Variants in GRIN2B observed in about 807,000 individuals in gnomAD.
GRIN2B encodes glutamate ionotropic receptor NMDA type subunit 2B.
GRIN2B carries 5 observed loss-of-function variants against 114.5 expected under a neutral mutation model. The ratio of observed to expected loss-of-function variants is 0.04; its 90% CI spans 0.02 to 0.09. The LOEUF is 0.09. Among genes scored for constraint, GRIN2B ranks in the 10% least tolerant of loss-of-function variants. The pLI is 1.00. For synonymous variants in GRIN2B, 787 were observed against 745.1 expected, an observed-to-expected ratio of 1.06 and a Z score of -0.92; for missense variants, 1,108 against 1,943.5, an observed-to-expected ratio of 0.57 and a Z score of 8.08.
intron 10 of GRIN2B, among the ~76,000 whole-genome samples, chr12:13,607,153 T>A (rs11608449): frequency 0.11 from 12,610 of 116,424 alleles, 732 homozygotes; most frequent in African/African-American, 0.14. Flanking sequence ...TCAAAAAAAA[T>A]ATATATATAT....
intron 4 of GRIN2B, among the ~76,000 whole-genome samples, chr12:13,686,166 G>C (rs1950173169): frequency 6.6e-6 from 1 of 152,108 alleles, no homozygotes; most frequent in Admixed American, 6.5e-5. Context: ...ACTGTTTCTA[G>C]ACCAGGTTAG....
chr12:13,877,565 C>G (rs1417317337), intron 2 of GRIN2B, among the ~76,000 whole-genome samples: 1 of 152,188 alleles, frequency 6.6e-6, no homozygotes, highest in Non-Finnish European at 1.5e-5. Context: ...TCCTCTCTCT[C>G]CTTTCTCCCA....
chr12:13,713,926 A>G (rs1950435187), intron 4 of GRIN2B, among the ~76,000 whole-genome samples: 2 of 151,762 alleles, frequency 1.3e-5, no homozygotes, highest in Admixed American at 1.3e-4. Flanking sequence ...TCTTACTCCT[A>G]AGGACTTTGC....
chr12:13,973,103 G>A (rs183792059), intron 2 of GRIN2B, among the ~76,000 whole-genome samples: 18 of 152,236 alleles, frequency 1.2e-4, no homozygotes, highest in East Asian at 3.9e-4. Context: ...AAGAATGAGC[G>A]TCCTCACCTG....
At chr12:13,760,534 T>C (rs1375745147) in intron 3 of GRIN2B, among the ~76,000 whole-genome samples, 1 of 152,236 alleles carries the variant, frequency 6.6e-6, no homozygotes, top group African/African-American at 2.4e-5. Context: ...GGTTTCCCTC[T>C]ACTCTCTTTC....
chr12:13,940,445 C>A (rs1376088164), intron 2 of GRIN2B, among the ~76,000 whole-genome samples: 1 of 152,050 alleles, frequency 6.6e-6, no homozygotes, highest in East Asian at 1.9e-4. Flanking sequence ...GGCGCACACA[C>A]ACACACACGC....
chr12:13,669,799 T>C (rs1950006711), intron 5 of GRIN2B, among the ~76,000 whole-genome samples: 1 of 152,116 alleles, frequency 6.6e-6, no homozygotes, highest in South Asian at 2.1e-4. Context: ...TTTCAAGTAA[T>C]ATCAATAGAG....
At chr12:13,585,434 C>T (rs1398421152) in intron 10 of GRIN2B, among the ~76,000 whole-genome samples, 1 of 152,122 alleles carries the variant, frequency 6.6e-6, no homozygotes, top group Non-Finnish European at 1.5e-5. Flanking sequence ...CACTTACAGC[C>T]CAGCAGAGCT....
chr12:13,680,436 TTG>T (rs56755720), intron 4 of GRIN2B, among the ~76,000 whole-genome samples: 18,885 of 122,918 alleles, frequency 0.15, 1,233 homozygotes, highest in Middle Eastern at 0.19. Flanking sequence ...CCCATCAAGG[TTG>T]TGTGTGTGTG....
chr12:13,592,404 C>T (rs1162188052), intron 10 of GRIN2B, among the ~76,000 whole-genome samples: 2 of 152,158 alleles, frequency 1.3e-5, no homozygotes, highest in Admixed American at 6.5e-5. Context: ...TATAAAACTC[C>T]CCTCCATCCC....
chr12:13,648,489 G>A (rs1279848123), intron 5 of GRIN2B, among the ~76,000 whole-genome samples: 1 of 151,996 alleles, frequency 6.6e-6, no homozygotes. Context: ...TGGAAGACCA[G>A]GCAGCAGGTG....
In GRIN2B at chr12:13,579,702, G is replaced by A. The variant is rs1052876159; in HGVS notation, c.2011-7738C>T. 1.1e-4 allele frequency among the ~76,000 whole-genome samples: 16 copies of A among 152,360 alleles called. No homozygotes were observed. In the East Asian group the frequency reaches 3.1e-3, roughly 29 times the overall value. ...GCTGGTGTGCAGAACAGGTTGAAAG[G>A]AGTAAGATGGAGAGACAAGAGCTGA... On this transcript the variant is annotated intron_variant, in intron 10 of 13. Coordinates refer to ENST00000609686, the MANE Select transcript of GRIN2B (RefSeq NM_000834.5).
At chr12:13,588,387 G>T (rs560325347) in intron 10 of GRIN2B, among the ~76,000 whole-genome samples, 35 of 152,284 alleles carry the variant, frequency 2.3e-4, no homozygotes, top group African/African-American at 1.7e-4. Context: ...ACAGGGAAGG[G>T]TCTTGTTTTC....
At chr12:13,825,204 T>C (rs1418390932) in intron 3 of GRIN2B, among the ~76,000 whole-genome samples, 1 of 151,942 alleles carries the variant, frequency 6.6e-6, no homozygotes, top group Non-Finnish European at 1.5e-5. Context: ...AGAAGTTTAA[T>C]GTTTAATTTC....
rs1303925696 is a variant in GRIN2B, at chr12:13,549,994, T to A, written c.*12789A>T. 6.6e-6 allele frequency: 1 copy of A among 152,188 alleles called. No individual in the cohort carries two copies. The highest frequency in any genetic ancestry group is 1.5e-5 in the Non-Finnish European group (1 of 68,028). The allele number at this position is 152,188 out of a possible 1,614,324, so 9.4% of individuals were successfully genotyped here. A position where few individuals can be genotyped will look rare whatever the true frequency, so the allele number is the denominator to read the frequency against. On this transcript the variant is annotated 3_prime_UTR_variant, in exon 14 of 14. Coordinates refer to ENST00000609686, the MANE Select transcript of GRIN2B (RefSeq NM_000834.5). ...GGGCAGACAATTCAGGCAGCATTAC[T>A]CGCTGAGCTAGACTGAGAGTTAGAA... is the stretch of plus-strand genomic sequence containing the variant.
In GRIN2B at chr12:13,560,275, T is replaced by C. The variant is rs1452469270; in HGVS notation, c.*2508A>G. 1.3e-5 allele frequency: 2 copies of C among 152,142 alleles called. No homozygotes were observed. The highest frequency in any genetic ancestry group is 4.8e-5 in the African/African-American group (2 of 41,436). The allele number at this position is 152,142 out of a possible 1,614,324, so 9.4% of individuals were successfully genotyped here. On this transcript the variant is annotated 3_prime_UTR_variant, in exon 14 of 14. Transcript: ENST00000609686. ...AAGCCATACAAAACAATTCCCCCAA[T>C]GGGAAATGAAAACCCATAACAAAAC...
chr12:13,563,358 T>G lies in GRIN2B; in HGVS notation c.3880A>C (p.Asn1294His). The G allele has an allele frequency of 6.2e-7, 1 of 1,614,158 alleles. No homozygotes were observed. The highest frequency in any genetic ancestry group is 1.1e-5 in the South Asian group (1 of 91,082). The change falls in exon 14 of 14, where the codon AAC (asparagine) becomes CAC (histidine). Residue 1294 changes from asparagine (N) to histidine (H), a missense_variant. By Grantham distance (68) the Asn-to-His change is moderately conservative. This residue lies in a region of GRIN2B where 478 missense variants were observed against 506.0 expected (regional missense o/e 0.94). Transcript: ENST00000609686. ...SPTNSKAQKK[N>H]RNKLRRQHSY... ...TGCTGCCGGCGCAGTTTGTTCCGGT[T>G]CTTCTTCTGGGCCTTGGAATTAGTC...
chr12:13,722,262 G>A (rs1225835522), intron 4 of GRIN2B, among the ~76,000 whole-genome samples: 1 of 151,984 alleles, frequency 6.6e-6, no homozygotes, highest in East Asian at 1.9e-4. Context: ...GGATTTCAGG[G>A]GTTTTTTAAT....
Position 13,575,673 on chromosome 12 carries a change from C to CAATAATAATAATAATAATAAT in GRIN2B, c.2011-3730_2011-3710dup, listed in dbSNP as rs58985272. ...GACCCTGTCTCCAAAATGATAACAA[C>CAATAATAATAATAATAATAAT]AATAATAATAATAATAATAATAATC... On this transcript the variant is annotated intron_variant, in intron 10 of 13. Coordinates refer to ENST00000609686, the MANE Select transcript of GRIN2B (RefSeq NM_000834.5). Among the ~76,000 whole-genome samples the CAATAATAATAATAATAATAAT allele has an allele frequency of 8.1e-3, 1,189 of 147,666 alleles. 11 individuals are homozygous for CAATAATAATAATAATAATAAT. Among genetic ancestry groups the CAATAATAATAATAATAATAAT allele is most frequent in the African/African-American group, 0.02 (790 of 39,750 alleles).
Sources: allele counts gnomAD v4.1 joint callset (sites outside exome capture counted in the v4.1 genomes callset), GRCh38; gene constraint gnomAD v4.1.1; regional missense constraint gnomAD v4.1.1; transcripts MANE v1.5; gene names NCBI Gene and HGNC (gene_info 2026-07-23, HGNC 2026-07-21).